Variants in CFAP300 observed in about 807,000 individuals in gnomAD.
The protein encoded by CFAP300 is cilia and flagella associated protein 300.
A neutral mutation model predicts 33.0 loss-of-function variants in CFAP300; 32 were observed. That is an observed-to-expected ratio of 0.97 (90% CI 0.73 to 1.30). CFAP300 has a LOEUF of 1.30. Among genes scored for constraint, CFAP300 ranks in the 50% most tolerant of loss-of-function variants. The probability of loss-of-function intolerance (pLI) is 0.00; values close to 1 mark genes in which losing one functional copy is unlikely to be tolerated. For missense variants in CFAP300, 356 were observed against 318.1 expected (o/e 1.12, Z -0.90); for synonymous variants, 102 against 106.8 (o/e 0.95, Z 0.28).
chr11:102,066,675 C>T lies in CFAP300; in HGVS notation c.435+24C>T, dbSNP rs1450620413. 7 of 1,562,310 alleles carry T rather than the reference C, an allele frequency of 4.5e-6. No individual in the cohort carries two copies. In the African/African-American group the frequency reaches 5.6e-5, roughly 12 times the overall value. On this transcript the variant is annotated intron_variant, in intron 4 of 6. Coordinates refer to ENST00000434758, the MANE Select transcript of CFAP300 (RefSeq NM_032930.3). ...GAGTAAGTACAGAATTTTAAAATTT[C>T]GCAGTGGAATTTTATTTCAGGAAAT...
intron 4 of CFAP300, among the ~76,000 whole-genome samples, chr11:102,069,870 G>T (rs1461613979): frequency 6.6e-6 from 1 of 152,070 alleles, no homozygotes; most frequent in African/African-American, 2.4e-5. Flanking sequence ...GGAAGGCGGA[G>T]GTGGGAGGAT....
At chr11:102,069,956 G>C (rs1295462886) in intron 4 of CFAP300, among the ~76,000 whole-genome samples, 1 of 152,126 alleles carries the variant, frequency 6.6e-6, no homozygotes, top group Non-Finnish European at 1.5e-5. Flanking sequence ...AACAGAGTGG[G>C]ACCCTGTCTC....
chr11:102,082,392 A>T (rs1942487128), intron 6 of CFAP300, among the ~76,000 whole-genome samples: 1 of 149,294 alleles, frequency 6.7e-6, no homozygotes, highest in South Asian at 2.1e-4. Context: ...AAAAAATTTA[A>T]AAAAAAAAAG....
At chr11:102,060,434 T>C (rs1322845005) in intron 3 of CFAP300, among the ~76,000 whole-genome samples, 1 of 152,138 alleles carries the variant, frequency 6.6e-6, no homozygotes, top group African/African-American at 2.4e-5. Context: ...ATTTTCATAA[T>C]GTATTATTTC....
At position 102,064,135 on chromosome 11, in the gene CFAP300, G is replaced by T. The variant is rs147894605; in HGVS notation, c.269-2350G>T. 3.4e-3 allele frequency among the ~76,000 whole-genome samples: 519 copies of T among 152,268 alleles called. 3 individuals are homozygous for T. Among genetic ancestry groups the T allele is most frequent in the African/African-American group, 0.012 (495 of 41,548 alleles). ...TATGTCTCAATATATGAATTTTGAAGAGATAGAATTCAGTCCACAGCAAAT... is the reference window on the plus strand; with the variant it reads ...TATGTCTCAATATATGAATTTTGAATAGATAGAATTCAGTCCACAGCAAAT... On this transcript the variant is annotated intron_variant, in intron 3 of 6. Transcript: ENST00000434758.
chr11:102,061,469 G>A (rs886107284), intron 3 of CFAP300, among the ~76,000 whole-genome samples: 17 of 152,078 alleles, frequency 1.1e-4, no homozygotes, highest in African/African-American at 3.4e-4. Flanking sequence ...GCCAGTTGTC[G>A]GTGCTGTTTT....
At chr11:102,077,997 C>T (rs576631858) in intron 5 of CFAP300, among the ~76,000 whole-genome samples, 7 of 152,202 alleles carry the variant, frequency 4.6e-5, no homozygotes, top group African/African-American at 1.4e-4. Context: ...CTCACGTAGT[C>T]CTCCCACCTT....
chr11:102,081,879 A>G (rs1942478848), intron 6 of CFAP300, among the ~76,000 whole-genome samples: 1 of 140,670 alleles, frequency 7.1e-6, no homozygotes, highest in Non-Finnish European at 1.5e-5. Flanking sequence ...CAACAGAGCG[A>G]GACTCCATCT....
intron 4 of CFAP300, among the ~76,000 whole-genome samples, chr11:102,075,084 A>G (rs561995994): frequency 6.6e-6 from 1 of 152,314 alleles, no homozygotes; most frequent in South Asian, 2.1e-4. Flanking sequence ...CAGCCTGAGC[A>G]ACATAGTGAG....
chr11:102,082,155 A>C (rs1942483057), intron 6 of CFAP300, among the ~76,000 whole-genome samples: 1 of 151,978 alleles, frequency 6.6e-6, no homozygotes, highest in South Asian at 2.1e-4. Flanking sequence ...AGGGCAGATC[A>C]CTTGAGGTCG....
chr11:102,061,802 C>T (rs145977335), intron 3 of CFAP300, among the ~76,000 whole-genome samples: 1 of 152,248 alleles, frequency 6.6e-6, no homozygotes, highest in Non-Finnish European at 1.5e-5. Context: ...ACTTAAGACA[C>T]CGAATGATAA....
At chr11:102,071,342 C>A (rs1298357879) in intron 4 of CFAP300, among the ~76,000 whole-genome samples, 2 of 152,130 alleles carry the variant, frequency 1.3e-5, no homozygotes. Context: ...TTGCTATGGG[C>A]AACATATAGT....
chr11:102,048,240 C>T (rs185451743), intron 2 of CFAP300, among the ~76,000 whole-genome samples: 3 of 152,110 alleles, frequency 2.0e-5, no homozygotes, highest in South Asian at 2.1e-4. Context: ...ATTTTATTTA[C>T]TTATTTTTTG....
chr11:102,078,748 G>A (rs551702557), intron 5 of CFAP300, among the ~76,000 whole-genome samples: 34 of 151,506 alleles, frequency 2.2e-4, no homozygotes, highest in African/African-American at 7.0e-4. Flanking sequence ...TCACTCTATC[G>A]CCCAGGCTGG....
intron 6 of CFAP300, among the ~76,000 whole-genome samples, chr11:102,082,247 A>G (rs1251637473): frequency 6.6e-6 from 1 of 151,838 alleles, no homozygotes; most frequent in East Asian, 1.9e-4. Context: ...GTGGTGGGAG[A>G]CGCCTGTAAT....
rs1942513844 is a variant in CFAP300 at position 102,084,074 on chromosome 11, CTG to C, written c.*876_*877del. 1 of 152,122 alleles carries C rather than the reference CTG, an allele frequency of 6.6e-6. No homozygotes were observed. The highest frequency in any genetic ancestry group is 1.5e-5 in the Non-Finnish European group (1 of 68,028). The allele number at this position is 152,122 out of a possible 1,614,324, so 9.4% of individuals were successfully genotyped here. A position where few individuals can be genotyped will look rare whatever the true frequency, so the allele number is the denominator to read the frequency against. ...TCTTGTATCACATAATAAATTAAAA[CTG>C]CAGCTGTCCCACGGCTAATACAAGA... On this transcript the variant is annotated 3_prime_UTR_variant, in exon 7 of 7. Coordinates refer to ENST00000434758, the MANE Select transcript of CFAP300 (RefSeq NM_032930.3).
Position 102,047,516 on chromosome 11 carries a change from T to C in CFAP300, c.46T>C (p.Phe16Leu). ...GGACTTGGGTGGCTACTACTTCAGGTTCTTGCCTCAGAAAACCTTCCAGTC... is the reference window on the plus strand; with the variant it reads ...GGACTTGGGTGGCTACTACTTCAGGCTCTTGCCTCAGAAAACCTTCCAGTC... The part of the protein sequence containing the change: ...LGDLGGYYFR[F>L]LPQKTFQSLS... Residue 16 changes from phenylalanine (F) to leucine (L), a missense_variant, in exon 1 of 7, where the codon TTC (phenylalanine) becomes CTC (leucine). Transcript: ENST00000434758. 1.3e-6 allele frequency: 2 copies of C among 1,535,978 alleles called. No individual in the cohort carries two copies. Among genetic ancestry groups the C allele is most frequent in the Middle Eastern group, 1.7e-4 (1 of 5,990 alleles).
intron 4 of CFAP300, among the ~76,000 whole-genome samples, chr11:102,070,194 C>A (rs1195259244): frequency 1.3e-5 from 2 of 152,034 alleles, no homozygotes; most frequent in Admixed American, 6.6e-5. Flanking sequence ...ACATGTGGCA[C>A]ACCCAGAGAG....
chr11:102,058,457 A>G (rs966103805), intron 2 of CFAP300, among the ~76,000 whole-genome samples: 1 of 150,182 alleles, frequency 6.7e-6, no homozygotes, highest in Admixed American at 6.7e-5. Context: ...CATACAGAAA[A>G]CGTTTCATTT....
Sources: gnomAD v4.1 joint callset for allele counts (sites outside exome capture counted in the v4.1 genomes callset) on GRCh38, gnomAD v4.1.1 for gene constraint, MANE v1.5 for transcripts, NCBI Gene and HGNC (gene_info 2026-07-23, HGNC 2026-07-21) for gene names.